The following KATNA1 variants were observed in gnomAD, a reference collection of about 807,000 sequenced individuals.
KATNA1 encodes the protein katanin p60 ATPase-containing subunit A1.
KATNA1 carries 42 observed loss-of-function variants against 62.6 expected under a neutral mutation model. The ratio of observed to expected loss-of-function variants is 0.67; its 90% CI spans 0.52 to 0.87. KATNA1 has a LOEUF of 0.87. Ranked by LOEUF, KATNA1 falls within the 40% of genes least tolerant of loss-of-function variation. The probability of loss-of-function intolerance (pLI) is 0.00; values close to 1 mark genes in which losing one functional copy is unlikely to be tolerated. For missense variants in KATNA1, 498 were observed against 612.5 expected (o/e 0.81, Z 1.97); for synonymous variants, 186 against 201.9 (o/e 0.92, Z 0.67).
intron 4 of KATNA1, among the ~76,000 whole-genome samples, chr6:149,605,926 G>A (rs920140268): frequency 2.6e-5 from 4 of 151,974 alleles, no homozygotes; most frequent in Admixed American, 6.6e-5. Flanking sequence ...CACCACGCCC[G>A]GCTAATTATT....
chr6:149,601,469 A>G lies in KATNA1; in HGVS notation c.888+125T>C, dbSNP rs1041457956. 5.1e-5 allele frequency: 34 copies of G among 663,924 alleles called. 1 individual carries two copies. The highest frequency in any genetic ancestry group is 7.4e-4 in the Middle Eastern group (2 of 2,696). The allele number at this position is 663,924 out of a possible 1,614,324, so 41.1% of individuals were successfully genotyped here. The stretch of plus-strand genomic sequence containing the variant: ...TGTAAAGAAATCTAGCTTTAAGGGC[A>G]TAGGACTCATACTCTGGGCAAAATG... On this transcript the variant is annotated intron_variant, in intron 7 of 10. Coordinates refer to ENST00000367411, the MANE Select transcript of KATNA1 (RefSeq NM_007044.4).
chr6:149,597,070 CGTT>C lies in KATNA1; in HGVS notation c.1267_1269del (p.Asn423del). 1 of 1,613,980 alleles carries C rather than the reference CGTT, an allele frequency of 6.2e-7. No homozygotes were observed. The highest frequency in any genetic ancestry group is 2.2e-5 in the East Asian group (1 of 44,876). ...TTCCATGATAATTCATACCTGCACACGTTGGTAATGTCCGCACCTGAATAACCT... is the reference window on the plus strand; with the variant it reads ...TTCCATGATAATTCATACCTGCACACGGTAATGTCCGCACCTGAATAACCT... On this transcript the variant is annotated inframe_deletion, in exon 10 of 11. Transcript: ENST00000367411.
At chr6:149,597,005 A>C (rs1778343962) in intron 10 of KATNA1, 58 bp downstream of exon 10, 1 of 1,584,602 alleles carries the variant, frequency 6.3e-7, no homozygotes, top group African/African-American at 1.4e-5. Flanking sequence ...CAAAACCAAA[A>C]AACTTCATAC....
chr6:149,619,710 A>G (rs560494514), intron 4 of KATNA1, among the ~76,000 whole-genome samples: 39 of 152,320 alleles, frequency 2.6e-4, no homozygotes, highest in Non-Finnish European at 5.4e-4. Flanking sequence ...TATAGCCACT[A>G]TGAACAGTAT....
intron 3 of KATNA1, among the ~76,000 whole-genome samples, chr6:149,631,241 T>TA (rs1238757446): frequency 6.6e-6 from 1 of 151,854 alleles, no homozygotes; most frequent in Non-Finnish European, 1.5e-5. Context: ...CTACTAAAAA[T>TA]ACAAAAAATT....
intron 4 of KATNA1, among the ~76,000 whole-genome samples, chr6:149,607,463 T>C (rs1419425605): frequency 1.3e-5 from 2 of 151,874 alleles, no homozygotes; most frequent in Non-Finnish European, 2.9e-5. Context: ...AATACAAAAA[T>C]ATTAGCTGGG....
chr6:149,643,192 AG>A lies in KATNA1; in HGVS notation c.-13-4633del, dbSNP rs1582815384. ...GAGACCCTCAGTCCACCAGCCCCTGAGGAACTGAATCCTGCCAACAACCATG... is the reference window on the plus strand; with the variant it reads ...GAGACCCTCAGTCCACCAGCCCCTGAGAACTGAATCCTGCCAACAACCATG... On this transcript the variant is annotated intron_variant, in intron 1 of 10. Transcript: ENST00000367411. 4.6e-5 allele frequency among the ~76,000 whole-genome samples: 7 copies of A among 152,350 alleles called. 1 individual carries two copies. In the South Asian group the frequency reaches 1.4e-3, roughly 32 times the overall value.
intron 4 of KATNA1, among the ~76,000 whole-genome samples, chr6:149,615,361 T>C (rs1779130496): frequency 2.0e-5 from 3 of 151,640 alleles, no homozygotes; most frequent in Non-Finnish European, 4.4e-5. Flanking sequence ...CCCGCCACCA[T>C]GCCTGGCTGA....
At chr6:149,622,012 G>A (rs966138784) in intron 4 of KATNA1, among the ~76,000 whole-genome samples, 1 of 152,138 alleles carries the variant, frequency 6.6e-6, no homozygotes, top group Non-Finnish European at 1.5e-5. Context: ...GGACAGAAGG[G>A]GGGAAATCTC....
chr6:149,639,598 A>G (rs1054551912), intron 1 of KATNA1, among the ~76,000 whole-genome samples: 2 of 152,130 alleles, frequency 1.3e-5, no homozygotes, highest in African/African-American at 4.8e-5. Flanking sequence ...ACTCTGTCTC[A>G]AAAAATAAAA....
chr6:149,598,411 T>C (rs1778409906), intron 7 of KATNA1, 61 bp from the exon 8 acceptor site: 5 of 1,541,318 alleles, frequency 3.2e-6, no homozygotes, highest in Non-Finnish European at 3.6e-6. Context: ...TAAAATAATC[T>C]ACAGATTAGC....
intron 1 of KATNA1, among the ~76,000 whole-genome samples, chr6:149,647,900 C>A (rs1233402224): frequency 2.0e-5 from 3 of 152,274 alleles, no homozygotes; most frequent in African/African-American, 7.2e-5. Flanking sequence ...TCAGGATCTA[C>A]GTTTATCTCT....
chr6:149,617,939 A>AAATAAATAAAT (rs1779233763), intron 4 of KATNA1, among the ~76,000 whole-genome samples: 3 of 133,558 alleles, frequency 2.2e-5, no homozygotes, highest in South Asian at 2.3e-4. Context: ...CTTGTCTCCA[A>AAATAAATAAAT]AAATAAATAA....
chr6:149,597,308 G>T, intron 9 of KATNA1, 119 bp from the exon 10 acceptor site: 1 of 1,271,800 alleles, frequency 7.9e-7, no homozygotes. Flanking sequence ...TCTAAGAAGA[G>T]ATAATTAAGT....
At chr6:149,647,329 C>A (rs1432989098) in intron 1 of KATNA1, among the ~76,000 whole-genome samples, 3 of 151,770 alleles carry the variant, frequency 2.0e-5, no homozygotes, top group Non-Finnish European at 4.4e-5. Context: ...CGAGACCAGC[C>A]TGGCCAACAT....
rs1224303788 is a variant in KATNA1, at chr6:149,617,412, CTG to C, written c.501+5689_501+5690del. On this transcript the variant is annotated intron_variant, in intron 4 of 10. Transcript: ENST00000367411. ...TATAGCTTAACAATTAACATACAGA[CTG>C]AAATTAAAAATACATCACTGTTTAC... Among the ~76,000 whole-genome samples, 11 of 152,140 alleles carry C rather than the reference CTG, an allele frequency of 7.2e-5. 1 individual carries two copies.
At chr6:149,600,770 TAAAAA>T (rs386408910) in intron 7 of KATNA1, among the ~76,000 whole-genome samples, 29 of 108,360 alleles carry the variant, frequency 2.7e-4, no homozygotes, top group African/African-American at 9.0e-4. Context: ...ACCCCATCTG[TAAAAA>T]AAAAAAAAAA....
At position 149,638,413 on chromosome 6, in the gene KATNA1, A is replaced by G. The variant is rs1428537884; in HGVS notation, c.135T>C (p.Asp45=). Residue 45 remains aspartate (D), a synonymous_variant, in exon 2 of 11, where the codon GAT becomes GAC. Transcript: ENST00000367411. ...GTTGCCATTTCTGCTGGAGGTATGTATCTTTGACTGAGTACAGATACTTGT... is the reference window on the plus strand; with the variant it reads ...GTTGCCATTTCTGCTGGAGGTATGTGTCTTTGACTGAGTACAGATACTTGT... ...QMNKYLYSVK[D]TYLQQKWQQV... is the part of the protein sequence containing the mutation. 1.2e-6 allele frequency: 2 copies of G among 1,613,964 alleles called. No homozygotes were observed. Among genetic ancestry groups the G allele is most frequent in the South Asian group, 1.1e-5 (1 of 91,068 alleles).
At chr6:149,618,604 A>G (rs1165588904) in intron 4 of KATNA1, among the ~76,000 whole-genome samples, 1 of 152,260 alleles carries the variant, frequency 6.6e-6, no homozygotes, top group African/African-American at 2.4e-5. Flanking sequence ...TCTAGTAACC[A>G]AAACAGCATG....
Sources: gnomAD v4.1 joint callset for allele counts (sites outside exome capture counted in the v4.1 genomes callset) on GRCh38, gnomAD v4.1.1 for gene constraint, MANE v1.5 for transcripts, NCBI Gene and HGNC (gene_info 2026-07-23, HGNC 2026-07-21) for gene names.